The following PDPN variants were observed in gnomAD, a reference collection of about 807,000 sequenced individuals.
PDPN encodes podoplanin.
In PDPN, 12 loss-of-function variants were observed where a neutral mutation model predicts 23.2. The ratio of observed to expected loss-of-function variants is 0.52; its 90% CI spans 0.33 to 0.84. PDPN has a LOEUF of 0.84. Among genes scored for constraint, PDPN ranks in the 40% least tolerant of loss-of-function variants. The probability of loss-of-function intolerance (pLI) is 0.02; values close to 1 mark genes in which losing one functional copy is unlikely to be tolerated. For missense variants in PDPN, 199 were observed against 212.2 expected (o/e 0.94, Z 0.39); for synonymous variants, 77 against 76.7 (o/e 1.00, Z -0.02).
intron 4 of PDPN, 118 bp downstream of exon 4, chr1:13,613,843 G>A: frequency 2.4e-5 from 9 of 372,844 alleles, no homozygotes; most frequent in Admixed American, 1.3e-4. Flanking sequence ...GAGCAGAATA[G>A]AAAACATTCC....
intron 1 of PDPN, among the ~76,000 whole-genome samples, chr1:13,594,753 G>A (rs1190097852): frequency 2.0e-5 from 3 of 152,068 alleles, no homozygotes; most frequent in South Asian, 2.1e-4. Flanking sequence ...TTGGGAGGCC[G>A]AGGTGGGCGG....
At chr1:13,584,861 G>C (rs1007425561) in intron 1 of PDPN, among the ~76,000 whole-genome samples, 3 of 152,176 alleles carry the variant, frequency 2.0e-5, no homozygotes, top group Admixed American at 2.0e-4. Flanking sequence ...ATGTTGGGGT[G>C]GGGGCGTCCA....
Position 13,607,104 on chromosome 1 carries a change from T to C in PDPN, c.68-69T>C, listed in dbSNP as rs980753764. 2.7e-6 allele frequency: 4 copies of C among 1,496,494 alleles called. No individual in the cohort carries two copies. In the African/African-American group the frequency reaches 5.7e-5, roughly 21 times the overall value. 92.7% of individuals were successfully genotyped at this position (1,496,494 alleles called of 1,614,324 possible). ...GAAATGGAAAAGAAAATAATCCGAA[T>C]GTAGCCGACAAGTTGGGTCTGCTTA... On this transcript the variant is annotated intron_variant, in intron 1 of 5. Transcript: ENST00000621990.
rs375286764 is a variant in PDPN, at chr1:13,613,758, C to A, written c.370+33C>A. 4.6e-6 allele frequency: 6 copies of A among 1,291,512 alleles called. No homozygotes were observed. The African/African-American group carries it at 7.3e-5, about 16-fold the overall frequency. The allele number at this position is 1,291,512 out of a possible 1,614,324, so 80.0% of individuals were successfully genotyped here. On this transcript the variant is annotated intron_variant, in intron 4 of 5. Coordinates refer to ENST00000621990, the MANE Select transcript of PDPN (RefSeq NM_006474.5). ...AGATTTTGGCATCAAAATACTCTTA[C>A]TGGGGTTTTTTAAAAATTTCTTTGA...
intron 3 of PDPN, among the ~76,000 whole-genome samples, chr1:13,612,240 G>C (rs1640953612): frequency 1.3e-5 from 2 of 152,142 alleles, no homozygotes; most frequent in African/African-American, 4.8e-5. Flanking sequence ...AATTTTATTA[G>C]GGCAGCAGAT....
intron 1 of PDPN, among the ~76,000 whole-genome samples, chr1:13,593,551 A>AG (rs1274800992): frequency 1.3e-5 from 2 of 152,194 alleles, no homozygotes; most frequent in Admixed American, 6.6e-5. Context: ...ATTGAGGCCA[A>AG]GGGACGCTAG....
In PDPN at chr1:13,612,702, C is replaced by A. The variant is rs76668251; in HGVS notation, c.332-985C>A. Among the ~76,000 whole-genome samples the A allele has an allele frequency of 6.9e-3, 1,055 of 152,228 alleles. 16 individuals carry two copies. Among genetic ancestry groups the A allele is most frequent in the East Asian group, 0.049 (254 of 5,166 alleles). On this transcript the variant is annotated intron_variant, in intron 3 of 5. Transcript: ENST00000621990. ...ACCCTGGGGCCATCTTGTGGAGGCG[C>A]CTTGTGCTGAGGAGAACCTTGGCAC... is the stretch of plus-strand genomic sequence containing the variant.
At position 13,588,653 on chromosome 1, in the gene PDPN, A is replaced by G. The variant is rs1640249794; in HGVS notation, c.67+4553A>G. Reference sequence around the variant, plus strand: ...ATAAATATATAACTATATATTATATATTTACATATATATAAAATATATATA... The same window carrying G: ...ATAAATATATAACTATATATTATATGTTTACATATATATAAAATATATATA... On this transcript the variant is annotated intron_variant, in intron 1 of 5. Coordinates refer to ENST00000621990, the MANE Select transcript of PDPN (RefSeq NM_006474.5). Among the ~76,000 whole-genome samples the G allele has an allele frequency of 2.7e-5, 4 of 147,370 alleles. No individual in the cohort carries two copies. The South Asian group carries it at 8.4e-4, about 31-fold the overall frequency.
At position 13,606,968 on chromosome 1, in the gene PDPN, G is replaced by A. The variant is rs74445836; in HGVS notation, c.68-205G>A. On this transcript the variant is annotated intron_variant, in intron 1 of 5. Transcript: ENST00000621990. ...TTTTCATTTTCCTTTGCTTTGCAAC[G>A]GAGATAACCAGGGTGTTGATGTGTC... Among the ~76,000 whole-genome samples the A allele has an allele frequency of 0.01, 1,590 of 152,302 alleles. 27 individuals carry two copies. The highest frequency in any genetic ancestry group is 0.036 in the African/African-American group (1,514 of 41,560).
chr1:13,585,792 G>T (rs865859167), intron 1 of PDPN, among the ~76,000 whole-genome samples: 1 of 152,172 alleles, frequency 6.6e-6, no homozygotes, highest in Non-Finnish European at 1.5e-5. Context: ...CAGGGTTTTT[G>T]TCTGAGAATA....
intron 1 of PDPN, chr1:13,585,428 A>T: frequency 8.4e-7 from 1 of 1,197,062 alleles, no homozygotes; most frequent in South Asian, 1.4e-5. Context: ...TTCCACTGGA[A>T]TATATACAGT....
intron 1 of PDPN, among the ~76,000 whole-genome samples, chr1:13,590,380 A>G (rs1640307866): frequency 6.6e-6 from 1 of 152,226 alleles, no homozygotes; most frequent in Non-Finnish European, 1.5e-5. Context: ...TACAAGCAAC[A>G]GATAAAGTCG....
intron 2 of PDPN, among the ~76,000 whole-genome samples, chr1:13,609,533 C>T (rs1640880541): frequency 6.6e-6 from 1 of 152,112 alleles, no homozygotes; most frequent in Non-Finnish European, 1.5e-5. Context: ...AACCGATCTC[C>T]AGAACTTTTC....
At chr1:13,607,866 A>C (rs554044822) in intron 2 of PDPN, among the ~76,000 whole-genome samples, 1 of 152,244 alleles carries the variant, frequency 6.6e-6, no homozygotes, top group Non-Finnish European at 1.5e-5. Context: ...GCACTTTGGG[A>C]GGCTGAGGCA....
chr1:13,607,271 A>G lies in PDPN; in HGVS notation c.166A>G (p.Ser56Gly), dbSNP rs753287263. 9.9e-6 allele frequency: 16 copies of G among 1,614,214 alleles called. No homozygotes were observed. Among genetic ancestry groups the G allele is most frequent in the Non-Finnish European group, 1.3e-5 (15 of 1,180,014 alleles). ...AEDDVVTPGT[S>G]EDRYKSGLTT... ...AGATGATGTGGTGACTCCAGGAACC[A>G]GCGAAGACCGCTATAAGTCTGGCTT... is the stretch of plus-strand genomic sequence containing the variant. The change falls in exon 2 of 6, where the codon AGC becomes GGC. Residue 56 changes from serine (S) to glycine (G), a missense_variant. Physicochemically the swap from Ser to Gly is moderately conservative, Grantham distance 56. Transcript: ENST00000621990.
chr1:13,599,304 G>A (rs1158990695), intron 1 of PDPN, among the ~76,000 whole-genome samples: 5 of 150,660 alleles, frequency 3.3e-5, no homozygotes, highest in African/African-American at 1.2e-4. Context: ...AAGCCACCAT[G>A]CCCGGCCAGA....
At chr1:13,602,560 T>G (rs1054088136) in intron 1 of PDPN, among the ~76,000 whole-genome samples, 6 of 152,144 alleles carry the variant, frequency 3.9e-5, no homozygotes, top group Non-Finnish European at 7.3e-5. Flanking sequence ...ACAGCCTGAT[T>G]GAATGTTACA....
At chr1:13,596,446 T>G (rs1226848522) in intron 1 of PDPN, among the ~76,000 whole-genome samples, 2 of 152,178 alleles carry the variant, frequency 1.3e-5, no homozygotes, top group African/African-American at 2.4e-5. Context: ...GCCAAACTTT[T>G]GGTCCAGTAA....
chr1:13,613,876 T>A, intron 4 of PDPN, 151 bp downstream of exon 4: 1 of 526,098 alleles, frequency 1.9e-6, no homozygotes, highest in Non-Finnish European at 3.4e-6. Flanking sequence ...CAAGCTTTTT[T>A]TTTTTTTTTT....
Sources: allele counts gnomAD v4.1 joint callset (sites outside exome capture counted in the v4.1 genomes callset), GRCh38; gene constraint gnomAD v4.1.1; transcripts MANE v1.5; gene names NCBI Gene and HGNC (gene_info 2026-07-23, HGNC 2026-07-21).